GNA14: variants seen among roughly 807,000 people sequenced by gnomAD.
The protein encoded by GNA14 is G protein subunit alpha 14, also known as guanine nucleotide-binding protein subunit alpha-14.
GNA14 carries 50 observed loss-of-function variants against 42.0 expected under a neutral mutation model. That is an observed-to-expected ratio of 1.19 (90% CI 0.95 to 1.51). GNA14 has a LOEUF of 1.51. GNA14 is among the 40% of genes most tolerant of loss of function. The pLI, the probability that GNA14 is intolerant of heterozygous loss-of-function variation, is 0.00. For missense variants in GNA14, 473 were observed against 446.2 expected (o/e 1.06, Z -0.54); for synonymous variants, 173 against 163.1 (o/e 1.06, Z -0.46).
chr9:77,472,267 A>C (rs1321721500), intron 2 of GNA14, among the ~76,000 whole-genome samples: 1 of 152,190 alleles, frequency 6.6e-6, no homozygotes, highest in Non-Finnish European at 1.5e-5. Context: ...ACATGTCATC[A>C]GGGGAAGGTG....
intron 2 of GNA14, among the ~76,000 whole-genome samples, chr9:77,438,529 A>G (rs1835675454): frequency 6.6e-6 from 1 of 152,066 alleles, no homozygotes; most frequent in African/African-American, 2.4e-5. Flanking sequence ...CAGCCTCCCA[A>G]AGTGCTGGGA....
intron 1 of GNA14, among the ~76,000 whole-genome samples, chr9:77,583,770 G>C (rs1322950514): frequency 2.0e-5 from 3 of 152,094 alleles, no homozygotes; most frequent in Non-Finnish European, 4.4e-5. Context: ...TAAAAATGCA[G>C]AGTCTGACTC....
chr9:77,471,524 A>G (rs1027341073), intron 2 of GNA14, among the ~76,000 whole-genome samples: 3 of 152,170 alleles, frequency 2.0e-5, no homozygotes, highest in Non-Finnish European at 2.9e-5. Flanking sequence ...AACTTGAAAG[A>G]CTGATAAGAA....
intron 1 of GNA14, among the ~76,000 whole-genome samples, chr9:77,559,513 A>G (rs1822845595): frequency 6.6e-6 from 1 of 152,194 alleles, no homozygotes; most frequent in African/African-American, 2.4e-5. Flanking sequence ...CTCCAGGAGA[A>G]GGGCACAGCT....
chr9:77,611,879 A>C (rs749764783), intron 1 of GNA14, among the ~76,000 whole-genome samples: 44 of 152,134 alleles, frequency 2.9e-4, no homozygotes, highest in Non-Finnish European at 5.7e-4. Context: ...ACCATTGTGG[A>C]CACAAATACA....
chr9:77,565,488 C>CA (rs1822953251), intron 1 of GNA14, among the ~76,000 whole-genome samples: 3 of 152,124 alleles, frequency 2.0e-5, no homozygotes, highest in African/African-American at 7.2e-5. Flanking sequence ...GACAGAGTCT[C>CA]ACTCTGTTGC....
At position 77,504,660 on chromosome 9, in the gene GNA14, C is replaced by T. The variant is rs1173599011; in HGVS notation, c.309+24409G>A. On this transcript the variant is annotated intron_variant, in intron 2 of 6. Coordinates refer to ENST00000341700, the MANE Select transcript of GNA14 (RefSeq NM_004297.4). ...GCCATGGTTCTAGAAGTCTGGCCGA[C>T]TTTTTTTTTTTTTTTTTTTTTTTTG... 7.9e-5 allele frequency among the ~76,000 whole-genome samples: 6 copies of T among 76,214 alleles called. No homozygotes were observed. The East Asian group carries it at 2.0e-3, about 25-fold the overall frequency. The allele number at this position is 76,214 out of a possible 152,430, so 50.0% of individuals were successfully genotyped here.
At chr9:77,448,294 G>T (rs1443774699) in intron 2 of GNA14, among the ~76,000 whole-genome samples, 2 of 152,212 alleles carry the variant, frequency 1.3e-5, no homozygotes, top group African/African-American at 2.4e-5. Flanking sequence ...ACGATTTTCT[G>T]ACTTACGATG....
intron 2 of GNA14, among the ~76,000 whole-genome samples, chr9:77,435,711 T>C (rs1369853383): frequency 2.0e-5 from 3 of 152,182 alleles, no homozygotes; most frequent in Non-Finnish European, 4.4e-5. Context: ...ATTTAATCAA[T>C]GGGAGGCTAG....
intron 2 of GNA14, among the ~76,000 whole-genome samples, chr9:77,514,431 C>T (rs1340993992): frequency 6.6e-6 from 1 of 151,988 alleles, no homozygotes; most frequent in Non-Finnish European, 1.5e-5. Flanking sequence ...CAGAGGTAAA[C>T]CCGACATGAT....
At position 77,503,823 on chromosome 9, in the gene GNA14, A is replaced by G. The variant is rs571989136; in HGVS notation, c.309+25246T>C. Among the ~76,000 whole-genome samples the G allele has an allele frequency of 3.8e-3, 577 of 151,620 alleles. 5 individuals carry two copies. Among genetic ancestry groups the G allele is most frequent in the African/African-American group, 0.013 (532 of 41,308 alleles). ...CACCACACCCAGCTAATTTTTTTGT[A>G]TTTTCACTAGAAACGGGGTTTCACC... is the stretch of plus-strand genomic sequence containing the variant. On this transcript the variant is annotated intron_variant, in intron 2 of 6. Transcript: ENST00000341700.
chr9:77,462,323 G>A (rs896782865), intron 2 of GNA14, among the ~76,000 whole-genome samples: 8 of 152,176 alleles, frequency 5.3e-5, no homozygotes, highest in Non-Finnish European at 8.8e-5. Flanking sequence ...CAGTGAGGGG[G>A]GAATCCTGCT....
chr9:77,515,749 T>C (rs1837243476), intron 2 of GNA14, among the ~76,000 whole-genome samples: 1 of 151,780 alleles, frequency 6.6e-6, no homozygotes, highest in Non-Finnish European at 1.5e-5. Context: ...GGATCACTTG[T>C]GTCTAGGAGT....
chr9:77,635,148 T>G (rs1182528849), intron 1 of GNA14: 1 of 152,188 alleles, frequency 6.6e-6, no homozygotes, highest in Non-Finnish European at 1.5e-5. Flanking sequence ...ACCCAACGTG[T>G]AGTCTTCTAG....
Position 77,581,619 on chromosome 9 carries a change from G to A in GNA14, c.125-52366C>T, listed in dbSNP as rs536745727. 3.3e-5 allele frequency among the ~76,000 whole-genome samples: 5 copies of A among 152,264 alleles called. No individual in the cohort carries two copies. The South Asian group carries it at 6.2e-4, about 19-fold the overall frequency. On this transcript the variant is annotated intron_variant, in intron 1 of 6. Transcript: ENST00000341700. The stretch of plus-strand genomic sequence containing the variant: ...ATTTTGGTGCAAAAGACTCTGGTTC[G>A]GACATTGGTAAAATTACCCCAATCG...
chr9:77,525,601 T>C (rs769886), intron 2 of GNA14, among the ~76,000 whole-genome samples: 10 of 150,658 alleles, frequency 6.6e-5, no homozygotes, highest in Non-Finnish European at 1.5e-4. Flanking sequence ...TGCAGTGGCA[T>C]GATCTCCGCT....
chr9:77,635,040 T>C (rs1824160131), intron 1 of GNA14, among the ~76,000 whole-genome samples: 1 of 152,160 alleles, frequency 6.6e-6, no homozygotes, highest in Non-Finnish European at 1.5e-5. Flanking sequence ...TTCAATAGGT[T>C]TTTTTGGGGA....
chr9:77,532,559 A>G (rs911177436), intron 1 of GNA14, among the ~76,000 whole-genome samples: 4 of 152,210 alleles, frequency 2.6e-5, no homozygotes, highest in African/African-American at 9.7e-5. Context: ...CAGAAACTCA[A>G]CACTCAGACA....
chr9:77,429,617 C>T (rs771987831), intron 4 of GNA14, among the ~76,000 whole-genome samples: 4 of 152,190 alleles, frequency 2.6e-5, no homozygotes, highest in Non-Finnish European at 5.9e-5. Flanking sequence ...GCCCAGGGAT[C>T]ATGAGCTCAA....
Sources: gnomAD v4.1 joint callset for allele counts (sites outside exome capture counted in the v4.1 genomes callset) on GRCh38, gnomAD v4.1.1 for gene constraint, MANE v1.5 for transcripts, NCBI Gene and HGNC (gene_info 2026-07-23, HGNC 2026-07-21) for gene names.